Variants in CNTRL observed in about 807,000 individuals in gnomAD.
The protein encoded by CNTRL is centriolin.
In CNTRL, 233 loss-of-function variants were observed where a neutral mutation model predicts 303.7. The ratio of observed to expected loss-of-function variants is 0.77; its 90% confidence interval spans 0.69 to 0.86. The LOEUF is 0.86. CNTRL is among the 40% of genes least tolerant of loss of function. The probability of loss-of-function intolerance (pLI) is 0.00; values close to 1 mark genes in which losing one functional copy is unlikely to be tolerated. For missense variants in CNTRL, 2,524 were observed against 2,650.6 expected (o/e 0.95, Z 1.05); for synonymous variants, 900 against 922.2 (o/e 0.98, Z 0.44).
At chr9:121,162,524 A>G (rs2052902327) in intron 34 of CNTRL, among the ~76,000 whole-genome samples, 1 of 151,796 alleles carries the variant, frequency 6.6e-6, no homozygotes, top group African/African-American at 2.4e-5. Context: ...AAATGGAGAT[A>G]TATATCTTGT....
rs77659384 is a variant in CNTRL at position 121,159,189 on chromosome 9, A to G, written c.4929+170A>G. On this transcript the variant is annotated intron_variant, in intron 31 of 43. Coordinates refer to ENST00000373855, the MANE Select transcript of CNTRL (RefSeq NM_007018.6). ...TATCCATGCAGTGGCTGTCATGTGT[A>G]GTTCCCCCTCTGTTGTTTTCTGGAT... is the stretch of plus-strand genomic sequence containing the variant. Among the ~76,000 whole-genome samples, 3,523 of 152,274 alleles carry G rather than the reference A, an allele frequency of 0.023. 53 individuals are homozygous for G. Among genetic ancestry groups the G allele is most frequent in the South Asian group, 0.037 (179 of 4,830 alleles).
At chr9:121,150,995 C>T (rs574517117) in intron 25 of CNTRL, among the ~76,000 whole-genome samples, 6 of 152,202 alleles carry the variant, frequency 3.9e-5, no homozygotes, top group East Asian at 1.9e-4. Context: ...TGTATGTGCA[C>T]GTGTATGCAC....
chr9:121,099,826 G>A lies in CNTRL; in HGVS notation c.808+1254G>A, dbSNP rs574871141. On this transcript the variant is annotated intron_variant, in intron 7 of 43. Transcript: ENST00000373855. ...GAATATCAGTGATTGAAGATCAAGT[G>A]AATGAAATGAAGCCAGAAGAGAAGT... 1.3e-4 allele frequency among the ~76,000 whole-genome samples: 20 copies of A among 152,182 alleles called. 1 individual carries two copies. The highest frequency in any genetic ancestry group is 1.2e-3 in the Admixed American group (18 of 15,284).
At chr9:121,151,960 CT>C (rs1174975217) in intron 25 of CNTRL, 1 of 154,226 alleles carries the variant, frequency 6.5e-6, no homozygotes, top group Non-Finnish European at 1.4e-5. Flanking sequence ...CAATTTCTTT[CT>C]ATTCAGCATT....
intron 14 of CNTRL, among the ~76,000 whole-genome samples, chr9:121,133,641 G>A (rs1313044204): frequency 1.3e-5 from 2 of 152,274 alleles, no homozygotes; most frequent in Middle Eastern, 3.4e-3. Context: ...GCTTCGGGTC[G>A]CCCTCCATGG....
At chr9:121,150,996 G>A (rs1197063134) in intron 25 of CNTRL, among the ~76,000 whole-genome samples, 3 of 152,202 alleles carry the variant, frequency 2.0e-5, no homozygotes, top group East Asian at 1.9e-4. Flanking sequence ...GTATGTGCAC[G>A]TGTATGCACA....
Position 121,173,481 on chromosome 9 carries a change from A to AACTGAACTTTTCCC in CNTRL, c.6658_6671dup (p.Gln2224HisfsTer2), listed in dbSNP as rs2053392980. On this transcript the variant is annotated frameshift_variant, in exon 41 of 44. Transcript: ENST00000373855. LOFTEE classifies it high-confidence loss of function. ...ATGAATGAGGGACCTTTTGAAGAAA[A>AACTGAACTTTTCCC]ACTGAACTTTTCCCAAGTTCACATA... The AACTGAACTTTTCCC allele has an allele frequency of 1.2e-6, 2 of 1,613,454 alleles. No individual in the cohort carries two copies. The highest frequency in any genetic ancestry group is 1.7e-6 in the Non-Finnish European group (2 of 1,179,922).
Position 121,125,874 on chromosome 9 carries a change from G to T in CNTRL, c.1963G>T (p.Glu655Ter). 2 of 1,614,226 alleles carry T rather than the reference G, an allele frequency of 1.2e-6. No homozygotes were observed. Among genetic ancestry groups the T allele is most frequent in the Non-Finnish European group, 1.7e-6 (2 of 1,180,034 alleles). Residue 655 changes from glutamate (E) to a stop codon, truncating the protein, a stop_gained, in exon 14 of 44, where the codon GAA (glutamate) becomes TAA (stop). Coordinates refer to ENST00000373855, the MANE Select transcript of CNTRL (RefSeq NM_007018.6). LOFTEE classifies it high-confidence loss of function. Reference sequence around the variant, plus strand: ...AGAGACATTGTTGCAGAGATTGACAGAAGTCGAGCAGGAGAGAGACCAGCT... The same window carrying T: ...AGAGACATTGTTGCAGAGATTGACATAAGTCGAGCAGGAGAGAGACCAGCT... Reference protein sequence around the residue: ...EKETLLQRLTEVEQERDQLEI... With the variant: ...EKETLLQRLT
At position 121,146,135 on chromosome 9, in the gene CNTRL, T is replaced by C; in HGVS notation, c.3338T>C (p.Leu1113Ser). The C allele has an allele frequency of 6.2e-7, 1 of 1,612,038 alleles. No homozygotes were observed. Among genetic ancestry groups the C allele is most frequent in the Non-Finnish European group, 8.5e-7 (1 of 1,179,532 alleles). The change falls in exon 23 of 44, where the codon TTA becomes TCA. Residue 1113 changes from leucine to serine, a missense_variant. Physicochemically the swap from Leu to Ser is moderately radical, Grantham distance 145. Transcript: ENST00000373855. ...AACAAAGGAGGCTTTGAAAATGTTT[T>C]AGAAGAAATTGCTGAACTTCGACGT... ...SDNKGGFENV[L>S]EEIAELRREV...
At chr9:121,165,166 C>G in intron 35 of CNTRL, 66 bp downstream of exon 35, 4 of 1,432,224 alleles carry the variant, frequency 2.8e-6, no homozygotes, top group Middle Eastern at 1.8e-4. Flanking sequence ...TTTGATTTTT[C>G]TTACGACAAG....
intron 11 of CNTRL, among the ~76,000 whole-genome samples, chr9:121,116,758 A>G (rs1179433172): frequency 6.6e-6 from 1 of 152,264 alleles, no homozygotes; most frequent in East Asian, 1.9e-4. Flanking sequence ...ATCTGTCAGG[A>G]GGCTGTTGTT....
rs959971868 is a variant in CNTRL, at chr9:121,173,588, G to A, written c.6684+79G>A. 97 of 1,609,062 alleles carry A rather than the reference G, an allele frequency of 6.0e-5. 1 individual carries two copies. In the African/African-American group the frequency reaches 1.1e-3, roughly 17 times the overall value. On this transcript the variant is annotated intron_variant, in intron 41 of 43. Coordinates refer to ENST00000373855, the MANE Select transcript of CNTRL (RefSeq NM_007018.6). Reference sequence around the variant, plus strand: ...GCTAAGCTAAAACACAGATGTGGGGGTGCTGGGGTAGGGGAGGGAAAGGCT... The same window carrying A: ...GCTAAGCTAAAACACAGATGTGGGGATGCTGGGGTAGGGGAGGGAAAGGCT...
rs1240814627 is a variant in CNTRL, at chr9:121,135,953, G to A, written c.2173G>A (p.Glu725Lys). 1 of 1,611,718 alleles carries A rather than the reference G, an allele frequency of 6.2e-7. No homozygotes were observed. Among genetic ancestry groups the A allele is most frequent in the African/African-American group, 1.3e-5 (1 of 74,978 alleles). The change falls in exon 15 of 44, where the codon GAG becomes AAG. Residue 725 changes from glutamate to lysine, a missense_variant. By Grantham distance (56) the Glu-to-Lys change is moderately conservative. Transcript: ENST00000373855. The part of the protein sequence containing the change: ...RDAEANQLKE[E>K]LEKVTRLTQL... The stretch of plus-strand genomic sequence containing the variant: ...TGCTGAAGCCAACCAGCTCAAGGAA[G>A]AGTTGGAAAAAGTAACAAGACTTAC...
At chr9:121,159,133 T>C in intron 31 of CNTRL, 114 bp downstream of exon 31, 1 of 1,078,158 alleles carries the variant, frequency 9.3e-7, no homozygotes, top group Admixed American at 2.7e-5. Context: ...AAATCTTGCC[T>C]CCTCTGTAAA....
chr9:121,093,703 A>G (rs2048761474), intron 4 of CNTRL, among the ~76,000 whole-genome samples: 3 of 152,240 alleles, frequency 2.0e-5, no homozygotes, highest in Admixed American at 1.3e-4. Context: ...GCAGCAGGGA[A>G]GAATTATCTA....
At chr9:121,083,265 AAAACTTTTTGACTGTT>A (rs1251681559) in intron 2 of CNTRL, among the ~76,000 whole-genome samples, 3 of 152,234 alleles carry the variant, frequency 2.0e-5, no homozygotes, top group African/African-American at 7.2e-5. Flanking sequence ...AAACTTTTTA[AAAACTTTTTGACTGTT>A]GTAGTAAAAC....
At chr9:121,165,936 C>G (rs2053072588) in intron 35 of CNTRL, among the ~76,000 whole-genome samples, 171 bp from the exon 36 acceptor site, 1 of 152,154 alleles carries the variant, frequency 6.6e-6, no homozygotes, top group Non-Finnish European at 1.5e-5. Context: ...AAGCCCAAAT[C>G]TGGATTGTGC....
chr9:121,098,505 G>A lies in CNTRL; in HGVS notation c.741G>A (p.Leu247=), dbSNP rs753205863. Residue 247 remains leucine (L), a synonymous_variant, in exon 7 of 44, where the codon TTG becomes TTA. Transcript: ENST00000373855. ...TTACCATTTTCCACCTCCGTTCATT[G>A]GAAAGTTTGGAAGGTCAGCCAGTAA... ...LQFTIFHLRS[L]ESLEGQPVTT... 3.7e-6 allele frequency: 6 copies of A among 1,613,744 alleles called. No individual in the cohort carries two copies. In the African/African-American group the frequency reaches 8.0e-5, roughly 22 times the overall value.
At chr9:121,089,029 T>A (rs2048455296) in intron 3 of CNTRL, among the ~76,000 whole-genome samples, 1 of 152,228 alleles carries the variant, frequency 6.6e-6, no homozygotes, top group African/African-American at 2.4e-5. Flanking sequence ...AGTCTAGGAA[T>A]CTGTTCTCAA....
Sources: gnomAD v4.1 joint callset for allele counts (sites outside exome capture counted in the v4.1 genomes callset) on GRCh38, gnomAD v4.1.1 for gene constraint, MANE v1.5 for transcripts, NCBI Gene and HGNC (gene_info 2026-07-23, HGNC 2026-07-21) for gene names.